The following SCEL variants were observed in gnomAD, a reference collection of about 807,000 sequenced individuals.
SCEL encodes the protein sciellin.
Under a neutral mutation model 117.6 loss-of-function variants are expected in SCEL, and 113 were observed. That is an observed-to-expected ratio of 0.96 (90% CI 0.83 to 1.12). The LOEUF (loss-of-function observed/expected upper bound fraction) is 1.12, where lower values mean the gene tolerates loss of function less well. SCEL is among the 50% of genes most tolerant of loss of function. SCEL has a pLI of 0.00. For synonymous variants in SCEL, 270 were observed against 256.2 expected (o/e 1.05, Z -0.51); for missense variants, 785 against 810.8 (o/e 0.97, Z 0.39).
At chr13:77,636,590 A>T (rs1294974961) in intron 29 of SCEL, among the ~76,000 whole-genome samples, 2 of 152,258 alleles carry the variant, frequency 1.3e-5, no homozygotes, top group Non-Finnish European at 2.9e-5. Flanking sequence ...AAAAGCTGGG[A>T]TAATCTACAT....
intron 27 of SCEL, among the ~76,000 whole-genome samples, chr13:77,623,955 G>T (rs1249901378): frequency 1.3e-5 from 2 of 152,112 alleles, no homozygotes; most frequent in African/African-American, 2.4e-5. Context: ...ACAAATATTT[G>T]TTGTTTCACA....
At position 77,548,651 on chromosome 13, in the gene SCEL, A is replaced by C. The variant is rs899292324; in HGVS notation, c.-19-7206A>C. Among the ~76,000 whole-genome samples the C allele has an allele frequency of 7.2e-5, 11 of 152,340 alleles. 1 individual carries two copies. The East Asian group carries it at 2.1e-3, about 29-fold the overall frequency. On this transcript the variant is annotated intron_variant, in intron 1 of 32. Transcript: ENST00000349847. Reference sequence around the variant, plus strand: ...CGTGTCGTGGGAGGGACCTGGTGGGAGGTAATTTAATCATGGAGGCACGGT... The same window carrying C: ...CGTGTCGTGGGAGGGACCTGGTGGGCGGTAATTTAATCATGGAGGCACGGT...
intron 27 of SCEL, among the ~76,000 whole-genome samples, chr13:77,618,958 T>G (rs1205342967): frequency 2.0e-5 from 3 of 152,146 alleles, no homozygotes; most frequent in African/African-American, 7.2e-5. Context: ...TAAGATATCT[T>G]ATAATTTGCT....
intron 26 of SCEL, 25 bp from the exon 27 acceptor site, chr13:77,617,979 T>C (rs2089179585): frequency 1.2e-6 from 2 of 1,611,518 alleles, no homozygotes; most frequent in Non-Finnish European, 1.7e-6. Flanking sequence ...CAATCTGAAC[T>C]TTTTTCTCTC....
At chr13:77,567,783 G>C in intron 6 of SCEL, 35 bp downstream of exon 6, 2 of 1,353,616 alleles carry the variant, frequency 1.5e-6, no homozygotes, top group Non-Finnish European at 2.1e-6. Flanking sequence ...AAAGGCTCAA[G>C]TATAATATTT....
intron 9 of SCEL, among the ~76,000 whole-genome samples, chr13:77,582,408 A>G (rs2086312929): frequency 6.6e-6 from 1 of 152,038 alleles, no homozygotes; most frequent in Non-Finnish European, 1.5e-5. Context: ...TTGTATTTTT[A>G]GTAGAGACGG....
At chr13:77,537,366 T>A (rs549816322) in intron 1 of SCEL, among the ~76,000 whole-genome samples, 1 of 152,340 alleles carries the variant, frequency 6.6e-6, no homozygotes, top group African/African-American at 2.4e-5. Context: ...TGCTTGTCTT[T>A]TGTCTTACTG....
rs2083398531 is a variant in SCEL at position 77,535,809 on chromosome 13, T to G, written c.-35T>G. 6.6e-6 allele frequency: 1 copy of G among 152,234 alleles called. No individual in the cohort carries two copies. The highest frequency in any genetic ancestry group is 6.5e-5 in the Admixed American group (1 of 15,286). 9.4% of individuals were successfully genotyped at this position (152,234 alleles called of 1,614,324 possible). A position where few individuals can be genotyped will look rare whatever the true frequency, so the allele number is the denominator to read the frequency against. On this transcript the variant is annotated 5_prime_UTR_variant, in exon 1 of 33. In the 5' UTR this introduces an upstream ATG that the reference lacks. Coordinates refer to ENST00000349847, the MANE Select transcript of SCEL (RefSeq NM_144777.3). Reference sequence around the variant, plus strand: ...GGCTGGTTAGCCAAAAAGTCCTGATTTTCTGCTCAATAGAGGTAAGTTGAA... The same window carrying G: ...GGCTGGTTAGCCAAAAAGTCCTGATGTTCTGCTCAATAGAGGTAAGTTGAA...
At chr13:77,552,987 T>C (rs1213332167) in intron 1 of SCEL, among the ~76,000 whole-genome samples, 6 of 152,308 alleles carry the variant, frequency 3.9e-5, no homozygotes, top group African/African-American at 1.4e-4. Context: ...ATTGCTTGTT[T>C]TTCTCAGGTT....
chr13:77,622,322 T>G (rs553335499), intron 27 of SCEL, among the ~76,000 whole-genome samples: 1 of 152,216 alleles, frequency 6.6e-6, no homozygotes, highest in South Asian at 2.1e-4. Flanking sequence ...CAGTTAGGAG[T>G]GAGCTAATAA....
intron 24 of SCEL, among the ~76,000 whole-genome samples, chr13:77,616,283 A>AT (rs1329506630): frequency 2.0e-5 from 3 of 151,830 alleles, no homozygotes; most frequent in Non-Finnish European, 4.4e-5. Context: ...TTAATTTTAT[A>AT]TTTTTTTAAA....
At chr13:77,621,398 C>T (rs1452188407) in intron 27 of SCEL, among the ~76,000 whole-genome samples, 1 of 152,082 alleles carries the variant, frequency 6.6e-6, no homozygotes, top group East Asian at 1.9e-4. Flanking sequence ...TCCTTCATCG[C>T]GATTGCTTGG....
rs775048219 is a variant in SCEL at position 77,577,587 on chromosome 13, A to G, written c.545+5398A>G. Among the ~76,000 whole-genome samples, 17 of 152,064 alleles carry G rather than the reference A, an allele frequency of 1.1e-4. 1 individual carries two copies. Among genetic ancestry groups the G allele is most frequent in the Non-Finnish European group, 2.2e-4 (15 of 67,998 alleles). Reference sequence around the variant, plus strand: ...TGCGGACACAGAGGCAAACCATATCACCAGGTTTTGATCTGATTTCCCTTC... The same window carrying G: ...TGCGGACACAGAGGCAAACCATATCGCCAGGTTTTGATCTGATTTCCCTTC... On this transcript the variant is annotated intron_variant, in intron 9 of 32. Transcript: ENST00000349847.
chr13:77,577,909 A>G (rs753514898), intron 9 of SCEL, among the ~76,000 whole-genome samples: 7 of 152,126 alleles, frequency 4.6e-5, no homozygotes, highest in Non-Finnish European at 1.0e-4. Context: ...CCAGCCCCCC[A>G]GTTCCTGTTA....
chr13:77,573,350 A>G (rs1459221249), intron 9 of SCEL, among the ~76,000 whole-genome samples: 3 of 152,198 alleles, frequency 2.0e-5, no homozygotes, highest in African/African-American at 7.2e-5. Context: ...TTATGTCTCA[A>G]CATCTAGAAT....
intron 18 of SCEL, 148 bp from the exon 19 acceptor site, chr13:77,604,208 A>G: frequency 2.0e-6 from 1 of 490,334 alleles, no homozygotes. Context: ...TTGTAAGAGA[A>G]TATTTTCATT....
chr13:77,552,984 G>T (rs918657855), intron 1 of SCEL, among the ~76,000 whole-genome samples: 5 of 152,142 alleles, frequency 3.3e-5, no homozygotes, highest in Non-Finnish European at 7.4e-5. Flanking sequence ...GCCATTGCTT[G>T]TTTTTCTCAG....
intron 30 of SCEL, among the ~76,000 whole-genome samples, chr13:77,637,892 C>A (rs951809300): frequency 6.6e-6 from 1 of 152,164 alleles, no homozygotes; most frequent in African/African-American, 2.4e-5. Flanking sequence ...GTTAGTGATC[C>A]TCTTTTACCA....
At chr13:77,569,510 A>G in intron 8 of SCEL, 59 bp downstream of exon 8, 1 of 1,324,106 alleles carries the variant, frequency 7.6e-7, no homozygotes, top group East Asian at 2.3e-5. Flanking sequence ...CTGCATTAGA[A>G]AGCTTCCTCC....
Sources: allele counts gnomAD v4.1 joint callset (sites outside exome capture counted in the v4.1 genomes callset), GRCh38; gene constraint gnomAD v4.1.1; transcripts MANE v1.5; gene names NCBI Gene and HGNC (gene_info 2026-07-23, HGNC 2026-07-21).